PHEX: variants seen among roughly 807,000 people sequenced by gnomAD.
PHEX encodes phosphate regulating endopeptidase X-linked.
PHEX carries 16 observed loss-of-function variants against 68.0 expected under a neutral mutation model. The ratio of observed to expected loss-of-function variants is 0.24; its 90% CI spans 0.16 to 0.36. PHEX has a LOEUF of 0.36. PHEX is among the 10% of genes least tolerant of loss of function. PHEX has a pLI of 1.00. For synonymous variants in PHEX, 208 were observed against 205.1 expected (o/e 1.01, Z -0.12); for missense variants, 480 against 575.5 (o/e 0.83, Z 1.70).
At chrX:22,117,959 T>C in intron 11 of PHEX, among the ~76,000 whole-genome samples, 1 of 109,830 alleles carries the variant, frequency 9.1e-6, no homozygotes, top group Admixed American at 9.7e-5. Context: ...TTGAAAAACA[T>C]TCAGTATTAT....
At chrX:22,058,759 C>A (rs1049506348) in intron 3 of PHEX, among the ~76,000 whole-genome samples, 2 of 112,202 alleles carry the variant, frequency 1.8e-5, no homozygotes, top group African/African-American at 6.5e-5. Flanking sequence ...TATCCTCTTA[C>A]GCCGCTCTAG....
intron 3 of PHEX, among the ~76,000 whole-genome samples, chrX:22,062,558 T>A (rs1928418585): frequency 9.0e-6 from 1 of 111,433 alleles, no homozygotes; most frequent in Non-Finnish European, 1.9e-5. Flanking sequence ...TTGCAACCCT[T>A]CTCCATTTGG....
At chrX:22,227,632 G>A (rs751438949) in intron 20 of PHEX, 21 bp downstream of exon 20, 1 of 1,067,541 alleles carries the variant, frequency 9.4e-7, no homozygotes, top group Non-Finnish European at 1.3e-6. Flanking sequence ...TGAGGAAGGG[G>A]CATCAGGGAT....
At chrX:22,138,508 G>T (rs1294431776) in intron 12 of PHEX, among the ~76,000 whole-genome samples, 1 of 111,546 alleles carries the variant, frequency 9.0e-6, no homozygotes, top group Non-Finnish European at 1.9e-5. Context: ...ACATGTGAGG[G>T]TGCCTTACTT....
chrX:22,059,057 G>A (rs1602260745), intron 3 of PHEX, among the ~76,000 whole-genome samples: 1 of 111,577 alleles, frequency 9.0e-6, no homozygotes, highest in African/African-American at 3.3e-5. Context: ...CACCTGCCTC[G>A]GCTTCCCAAA....
chrX:22,136,454 C>T (rs1324878248), intron 12 of PHEX, among the ~76,000 whole-genome samples: 6 of 111,988 alleles, frequency 5.4e-5, no homozygotes, highest in Admixed American at 1.9e-4. Context: ...ATCACCCAGG[C>T]GGAAGATTTC....
At chrX:22,218,340 T>C (rs1457615997) in intron 16 of PHEX, among the ~76,000 whole-genome samples, 1 of 111,379 alleles carries the variant, frequency 9.0e-6, no homozygotes, top group Non-Finnish European at 1.9e-5. Flanking sequence ...AAGAGGGAAA[T>C]AGATTGTCTC....
chrX:22,212,860 G>A lies in PHEX; in HGVS notation c.1646-44G>A, dbSNP rs970552481. 5 of 1,040,160 alleles carry A rather than the reference G, an allele frequency of 4.8e-6. No individual in the cohort carries two copies. In the East Asian group the frequency reaches 9.1e-5, roughly 19 times the overall value. 85.7% of individuals were successfully genotyped at this position (1,040,160 alleles called of 1,213,427 possible). A position where few individuals can be genotyped will look rare whatever the true frequency, so the allele number is the denominator to read the frequency against. On this transcript the variant is annotated intron_variant, in intron 15 of 21. Transcript: ENST00000379374. ...TAGCTAGAACCAGGTACTCATCATT[G>A]AATCAATCTCTCTATATCTCTTAAC...
chrX:22,110,947 C>T (rs1419053440), intron 9 of PHEX, among the ~76,000 whole-genome samples: 1 of 111,662 alleles, frequency 9.0e-6, no homozygotes, highest in Non-Finnish European at 1.9e-5. Flanking sequence ...GTAGACACGC[C>T]GATTAACCTA....
At chrX:22,221,195 A>G (rs768394469) in intron 17 of PHEX, among the ~76,000 whole-genome samples, 3 of 111,522 alleles carry the variant, frequency 2.7e-5, no homozygotes, top group Non-Finnish European at 5.6e-5. Context: ...TGGATGACTC[A>G]CTGGGGCTAT....
chrX:22,085,237 T>A (rs1181234515), intron 5 of PHEX, among the ~76,000 whole-genome samples: 4 of 111,838 alleles, frequency 3.6e-5, no homozygotes, highest in Non-Finnish European at 7.5e-5. Flanking sequence ...TCATTTTTAT[T>A]TTTTTCATTG....
intron 9 of PHEX, among the ~76,000 whole-genome samples, chrX:22,110,162 C>T (rs767730376): frequency 8.9e-6 from 1 of 111,914 alleles, no homozygotes; most frequent in African/African-American, 3.2e-5. Context: ...TTAACATCAT[C>T]GATAGCTTCT....
intron 20 of PHEX, among the ~76,000 whole-genome samples, chrX:22,243,759 G>T (rs1395718670): frequency 8.9e-6 from 1 of 111,884 alleles, no homozygotes; most frequent in Admixed American, 9.5e-5. Flanking sequence ...TGAGAATGGC[G>T]ATCATTGGAA....
Position 22,077,516 on chromosome X carries a change from C to T in PHEX, c.477C>T (p.Ile159=), listed in dbSNP as rs776784616. Residue 159 remains isoleucine, a synonymous_variant, in exon 5 of 22, where the codon ATC becomes ATT. Transcript: ENST00000379374. ...CAGATGCCAAGCCACTGCTACACATCCTACGGCATTCACCTTTCCGCTGGC... is the reference window on the plus strand; with the variant it reads ...CAGATGCCAAGCCACTGCTACACATTCTACGGCATTCACCTTTCCGCTGGC... ...EKADAKPLLH[I]LRHSPFRWPV... 3 of 1,210,095 alleles carry T rather than the reference C, an allele frequency of 2.5e-6. No individual in the cohort carries two copies. The African/African-American group carries it at 5.2e-5, about 21-fold the overall frequency.
chrX:22,077,775 A>G, intron 5 of PHEX, 73 bp downstream of exon 5: 1 of 710,210 alleles, frequency 1.4e-6, no homozygotes, highest in East Asian at 3.2e-5. Context: ...CTGGGGAAAG[A>G]GACTCATGCT....
At chrX:22,141,499 T>C (rs1186924899) in intron 12 of PHEX, among the ~76,000 whole-genome samples, 1 of 111,171 alleles carries the variant, frequency 9.0e-6, no homozygotes, top group Non-Finnish European at 1.9e-5. Context: ...AGTCAGTTAA[T>C]TTCTAGGTCT....
At chrX:22,064,339 C>T (rs1928506110) in intron 3 of PHEX, among the ~76,000 whole-genome samples, 1 of 110,867 alleles carries the variant, frequency 9.0e-6, no homozygotes, top group Non-Finnish European at 1.9e-5. Context: ...CTGTTGTTCC[C>T]CTCTTTCTGT....
chrX:22,166,990 A>C (rs1411829742), intron 12 of PHEX, among the ~76,000 whole-genome samples: 1 of 112,130 alleles, frequency 8.9e-6, no homozygotes, highest in Non-Finnish European at 1.9e-5. Flanking sequence ...CATTGTGTAT[A>C]TATACTACAT....
intron 13 of PHEX, among the ~76,000 whole-genome samples, chrX:22,170,721 A>G (rs1933496643): frequency 8.9e-6 from 1 of 112,268 alleles, no homozygotes; most frequent in Non-Finnish European, 1.9e-5. Context: ...CTTTAATCGA[A>G]TAAGGTAGAA....
Sources: allele counts gnomAD v4.1 joint callset (sites outside exome capture counted in the v4.1 genomes callset), GRCh38; gene constraint gnomAD v4.1.1; transcripts MANE v1.5; gene names NCBI Gene and HGNC (gene_info 2026-07-23, HGNC 2026-07-21).